Variants in CRTAC1 observed in about 807,000 individuals in gnomAD.
The protein encoded by CRTAC1 is acidic secreted protein in cartilage.
CRTAC1 carries 37 observed loss-of-function variants against 67.8 expected under a neutral mutation model. The observed-to-expected ratio is 0.55, with a 90% CI of 0.42 to 0.72. The LOEUF (loss-of-function observed/expected upper bound fraction) is 0.72, where lower values mean the gene tolerates loss of function less well. Among genes scored for constraint, CRTAC1 ranks in the 30% least tolerant of loss-of-function variants. CRTAC1 has a pLI of 0.00. For synonymous variants in CRTAC1, 348 were observed against 371.0 expected (o/e 0.94, Z 0.71); for missense variants, 780 against 931.6 (o/e 0.84, Z 2.12).
At chr10:97,922,870 C>T (rs977686740) in intron 4 of CRTAC1, among the ~76,000 whole-genome samples, 1 of 152,238 alleles carries the variant, frequency 6.6e-6, no homozygotes, top group South Asian at 2.1e-4. Context: ...GCCTGGCACA[C>T]AGGAGGCACT....
intron 2 of CRTAC1, among the ~76,000 whole-genome samples, chr10:97,977,635 G>A (rs1383621181): frequency 6.6e-6 from 1 of 152,142 alleles, no homozygotes. Context: ...CCTGGGGAGG[G>A]ACGTCAGCTC....
intron 2 of CRTAC1, among the ~76,000 whole-genome samples, chr10:97,974,413 A>T (rs764689580): frequency 2.0e-5 from 3 of 152,242 alleles, no homozygotes; most frequent in African/African-American, 4.8e-5. Flanking sequence ...CCGCTCAAGC[A>T]GCAAGGTCAC....
chr10:97,965,307 T>A (rs1165202132), intron 2 of CRTAC1, among the ~76,000 whole-genome samples: 1 of 152,258 alleles, frequency 6.6e-6, no homozygotes, highest in Non-Finnish European at 1.5e-5. Flanking sequence ...TCACTTAATT[T>A]CCAGCATCCT....
At chr10:97,921,270 C>T (rs576902556) in intron 4 of CRTAC1, among the ~76,000 whole-genome samples, 1 of 152,214 alleles carries the variant, frequency 6.6e-6, no homozygotes, top group East Asian at 1.9e-4. Flanking sequence ...GATTAAAAGG[C>T]CCTGCCCCAG....
chr10:97,895,558 G>A lies in CRTAC1; in HGVS notation c.1318-145C>T, dbSNP rs1564882761. The A allele has an allele frequency of 2.7e-6, 2 of 746,776 alleles. No homozygotes were observed. The highest frequency in any genetic ancestry group is 5.4e-5 in the East Asian group (2 of 36,918). The allele number at this position is 746,776 out of a possible 1,614,324, so 46.3% of individuals were successfully genotyped here. On this transcript the variant is annotated intron_variant, in intron 10 of 14. Transcript: ENST00000370597. This position sits in a 1 kb window ranked among gnomAD's most constrained non-coding sequence, Gnocchi z 4.2. ...CAGAGGAAAAAGATAGAAACAGGAA[G>A]CCAAACAAGAAAAATGAATGAGGCG...
chr10:97,906,268 C>A (rs1298794839), intron 6 of CRTAC1, among the ~76,000 whole-genome samples: 3 of 152,180 alleles, frequency 2.0e-5, no homozygotes, highest in South Asian at 2.1e-4. Context: ...TCCATTAATT[C>A]TCTGCCAAAC....
At chr10:98,007,606 T>A (rs1360450585) in intron 2 of CRTAC1, among the ~76,000 whole-genome samples, 1 of 152,154 alleles carries the variant, frequency 6.6e-6, no homozygotes, top group East Asian at 1.9e-4. Flanking sequence ...CAGAATAACA[T>A]CCAGCAGCCT....
At position 97,936,386 on chromosome 10, in the gene CRTAC1, G is replaced by A. The variant is rs2051089156; in HGVS notation, c.225-20C>T. ...TTGTACCTGGAGGAGGAATGGGGAG[G>A]GGATGCTGGGGAGGAGCCGCTGGGC... On this transcript the variant is annotated intron_variant, in intron 2 of 14. Coordinates refer to ENST00000370597, the MANE Select transcript of CRTAC1 (RefSeq NM_018058.7). 1 of 1,588,200 alleles carries A rather than the reference G, an allele frequency of 6.3e-7. No individual in the cohort carries two copies. Among genetic ancestry groups the A allele is most frequent in the South Asian group, 1.1e-5 (1 of 88,824 alleles).
chr10:97,923,467 A>G (rs2050870640), intron 3 of CRTAC1, 67 bp from the exon 4 acceptor site: 23 of 1,596,158 alleles, frequency 1.4e-5, no homozygotes, highest in Non-Finnish European at 2.0e-5. Flanking sequence ...ATCTCTGGGT[A>G]TGTCTCATGG....
At chr10:97,962,322 C>T (rs1365645959) in intron 2 of CRTAC1, among the ~76,000 whole-genome samples, 6 of 145,316 alleles carry the variant, frequency 4.1e-5, no homozygotes, top group African/African-American at 1.3e-4. Context: ...CAGGACACTG[C>T]GTCAGTAAGA....
In CRTAC1 at chr10:97,919,503, A is replaced by G. The variant is rs181102390; in HGVS notation, c.559-1847T>C. Reference sequence around the variant, plus strand: ...AGGGATGAAGCTGGAGAAGGTGGTAAATTTGTTCCCTACAGATTGCTCTGT... The same window carrying G: ...AGGGATGAAGCTGGAGAAGGTGGTAGATTTGTTCCCTACAGATTGCTCTGT... On this transcript the variant is annotated intron_variant, in intron 4 of 14. Transcript: ENST00000370597. Among the ~76,000 whole-genome samples the G allele has an allele frequency of 4.6e-5, 7 of 152,224 alleles. No individual in the cohort carries two copies. In the East Asian group the frequency reaches 1.4e-3, roughly 29 times the overall value.
At chr10:97,918,071 TC>T (rs1427877753) in intron 4 of CRTAC1, among the ~76,000 whole-genome samples, 1 of 152,086 alleles carries the variant, frequency 6.6e-6, no homozygotes, top group Non-Finnish European at 1.5e-5. Context: ...AGTCTCTCTC[TC>T]CCATTCAAGC....
intron 2 of CRTAC1, among the ~76,000 whole-genome samples, chr10:97,998,141 T>G (rs1455762222): frequency 6.6e-6 from 1 of 152,148 alleles, no homozygotes; most frequent in Non-Finnish European, 1.5e-5. Flanking sequence ...AGCTAATTTA[T>G]CTTGTATTTT....
At chr10:97,967,793 G>A (rs1186821419) in intron 2 of CRTAC1, among the ~76,000 whole-genome samples, 5 of 152,120 alleles carry the variant, frequency 3.3e-5, no homozygotes, top group Non-Finnish European at 5.9e-5. Flanking sequence ...GAAGAAATAA[G>A]GAAAGGAGGG....
intron 11 of CRTAC1, among the ~76,000 whole-genome samples, chr10:97,889,560 A>G (rs2050336732): frequency 6.6e-6 from 1 of 151,936 alleles, no homozygotes; most frequent in Admixed American, 6.5e-5. Flanking sequence ...GGAACCCCGC[A>G]TGCACTCATT....
chr10:97,919,388 T>C (rs535815317), intron 4 of CRTAC1, among the ~76,000 whole-genome samples: 2 of 152,040 alleles, frequency 1.3e-5, no homozygotes, highest in African/African-American at 4.8e-5. Context: ...ACCTTCCAAG[T>C]AGAGATGAGA....
intron 2 of CRTAC1, among the ~76,000 whole-genome samples, chr10:97,989,995 G>A (rs182679231): frequency 9.9e-5 from 15 of 152,014 alleles, no homozygotes; most frequent in East Asian, 1.9e-4. Context: ...ACCCTTCTCC[G>A]GCTCCTTTTA....
intron 2 of CRTAC1, among the ~76,000 whole-genome samples, chr10:97,962,208 A>G (rs957471320): frequency 1.3e-5 from 2 of 152,172 alleles, no homozygotes; most frequent in Non-Finnish European, 2.9e-5. Context: ...CCAGGCAGAA[A>G]AAAGGGAGGG....
rs186196711 is a variant in CRTAC1 at position 97,950,383 on chromosome 10, T to C, written c.225-14017A>G. 2.9e-3 allele frequency among the ~76,000 whole-genome samples: 438 copies of C among 151,982 alleles called. 2 individuals are homozygous for C. Among genetic ancestry groups the C allele is most frequent in the African/African-American group, 9.8e-3 (406 of 41,474 alleles). On this transcript the variant is annotated intron_variant, in intron 2 of 14. Transcript: ENST00000370597. ...TGACAGGAGCTGAATGATAGGCCCA[T>C]TGAGCTGCAGAAATGCCCCATTAAA...
Sources: gnomAD v4.1 joint callset for allele counts (sites outside exome capture counted in the v4.1 genomes callset) on GRCh38, gnomAD v4.1.1 for gene constraint, Gnocchi (gnomAD v3.1) non-coding constraint, MANE v1.5 for transcripts, NCBI Gene and HGNC (gene_info 2026-07-23, HGNC 2026-07-21) for gene names.